ANKMY2: variants seen among roughly 807,000 people sequenced by gnomAD.
ANKMY2 encodes the protein ankyrin repeat and MYND domain-containing protein 2.
A neutral mutation model predicts 50.4 loss-of-function variants in ANKMY2; 36 were observed. The ratio of observed to expected loss-of-function variants is 0.71; its 90% CI spans 0.55 to 0.94. The LOEUF is 0.94. ANKMY2 is among the 40% of genes least tolerant of loss of function. The pLI, the probability that ANKMY2 is intolerant of heterozygous loss-of-function variation, is 0.00. For missense variants in ANKMY2, 565 were observed against 524.0 expected (o/e 1.08, Z -0.76); for synonymous variants, 187 against 178.8 (o/e 1.05, Z -0.36).
chr7:16,606,109 G>A (rs1042285665), intron 7 of ANKMY2, among the ~76,000 whole-genome samples: 6 of 150,596 alleles, frequency 4.0e-5, no homozygotes, highest in Non-Finnish European at 8.9e-5. Context: ...GAGCCACCGC[G>A]CCTGGCCTAT....
In ANKMY2 at chr7:16,602,370, A is replaced by T; in HGVS notation, c.1141+10T>A. 1 of 1,609,642 alleles carries T rather than the reference A, an allele frequency of 6.2e-7. No individual in the cohort carries two copies. Among genetic ancestry groups the T allele is most frequent in the Non-Finnish European group, 8.5e-7 (1 of 1,178,978 alleles). On this transcript the variant is annotated intron_variant, in intron 9 of 9. Coordinates refer to ENST00000306999, the MANE Select transcript of ANKMY2 (RefSeq NM_020319.3). Reference sequence around the variant, plus strand: ...AAAAAGCAGAGTGAACTCGGTTTTTATATACATACGGTTTTCCTCTTGTCT... The same window carrying T: ...AAAAAGCAGAGTGAACTCGGTTTTTTTATACATACGGTTTTCCTCTTGTCT...
rs1044983 is a variant in ANKMY2 at position 16,600,675 on chromosome 7, A to G, written c.*86T>C. 0.24 allele frequency: 291,520 copies of G among 1,232,100 alleles called. 36,817 individuals are homozygous for G. The highest frequency in any genetic ancestry group is 0.47 in the East Asian group (18,597 of 39,212). 76.3% of individuals were successfully genotyped at this position (1,232,100 alleles called of 1,614,324 possible). ...AATCCTGCCATGGTGCCACGCAGGT[A>G]TAACAAGGTGAGGACAATGCATTCC... On this transcript the variant is annotated 3_prime_UTR_variant, in exon 10 of 10. Coordinates refer to ENST00000306999, the MANE Select transcript of ANKMY2 (RefSeq NM_020319.3).
chr7:16,620,591 T>TACACACACACACACACAC (rs58418780), intron 4 of ANKMY2, among the ~76,000 whole-genome samples: 110 of 145,592 alleles, frequency 7.6e-4, no homozygotes, highest in African/African-American at 2.8e-3. Context: ...AATACATGTG[T>TACACACACACACACACAC]ACACACACAC....
intron 2 of ANKMY2, among the ~76,000 whole-genome samples, chr7:16,634,145 C>T (rs575011007): frequency 1.8e-3 from 281 of 152,176 alleles, no homozygotes; most frequent in Admixed American, 3.1e-3. Flanking sequence ...AGCCACTAGC[C>T]ACATATGGCT....
At chr7:16,602,968 T>C (rs368109489) in intron 8 of ANKMY2, among the ~76,000 whole-genome samples, 104 of 152,320 alleles carry the variant, frequency 6.8e-4, no homozygotes, top group African/African-American at 2.3e-3. Context: ...GCTTCCTGTA[T>C]ACCTTCAGAA....
At chr7:16,607,596 A>G (rs930951896) in intron 7 of ANKMY2, among the ~76,000 whole-genome samples, 11 of 151,498 alleles carry the variant, frequency 7.3e-5, no homozygotes, top group South Asian at 2.1e-4. Context: ...TAATAATTAT[A>G]CTCTATAAAC....
chr7:16,613,812 T>C (rs1300913396), intron 5 of ANKMY2, among the ~76,000 whole-genome samples: 4 of 151,350 alleles, frequency 2.6e-5, no homozygotes, highest in African/African-American at 7.3e-5. Context: ...GGTGGGCACC[T>C]GTAATCCCAG....
chr7:16,645,062 G>T (rs184078848), intron 1 of ANKMY2, among the ~76,000 whole-genome samples: 1 of 152,124 alleles, frequency 6.6e-6, no homozygotes, highest in Non-Finnish European at 1.5e-5. Context: ...CCCAAGCGGG[G>T]GCGGGGATCG....
At chr7:16,607,976 C>T (rs1781187946) in intron 7 of ANKMY2, among the ~76,000 whole-genome samples, 1 of 152,086 alleles carries the variant, frequency 6.6e-6, no homozygotes, top group Non-Finnish European at 1.5e-5. Context: ...CAGATATAGA[C>T]CCCTTTGCTC....
intron 7 of ANKMY2, among the ~76,000 whole-genome samples, chr7:16,607,499 C>A (rs1241763164): frequency 1.3e-5 from 2 of 151,980 alleles, no homozygotes; most frequent in Non-Finnish European, 2.9e-5. Context: ...ACCCGGAAGA[C>A]TGAGGTTGTA....
intron 4 of ANKMY2, among the ~76,000 whole-genome samples, chr7:16,618,510 C>T (rs1447724700): frequency 6.6e-6 from 1 of 152,110 alleles, no homozygotes; most frequent in Admixed American, 6.5e-5. Flanking sequence ...TAATAGTGAT[C>T]ACAATACCAT....
At chr7:16,620,856 T>A (rs141478350) in intron 4 of ANKMY2, among the ~76,000 whole-genome samples, 1 of 151,878 alleles carries the variant, frequency 6.6e-6, no homozygotes. Flanking sequence ...AAACAGATCA[T>A]TGACAAAAAA....
At chr7:16,606,622 TTGAG>T (rs1430475152) in intron 7 of ANKMY2, among the ~76,000 whole-genome samples, 31 of 152,324 alleles carry the variant, frequency 2.0e-4, no homozygotes, top group African/African-American at 7.5e-4. Flanking sequence ...TCATTTTCAT[TTGAG>T]TATTTGCTTT....
rs149454471 is a variant in ANKMY2 at position 16,644,494 on chromosome 7, G to GCTA, written c.67+1010_67+1012dup. On this transcript the variant is annotated intron_variant, in intron 1 of 9. Coordinates refer to ENST00000306999, the MANE Select transcript of ANKMY2 (RefSeq NM_020319.3). ...CTCTAGGATTCCACATTTCAGCCTG[G>GCTA]CTACTAAGTAAATAAAACTGGAAAC... 1,916 of 325,598 alleles carry GCTA rather than the reference G, an allele frequency of 5.9e-3. 38 individuals are homozygous for GCTA. Among genetic ancestry groups the GCTA allele is most frequent in the African/African-American group, 0.04 (1,795 of 44,360 alleles). 20.2% of individuals were successfully genotyped at this position (325,598 alleles called of 1,614,324 possible).
chr7:16,632,851 G>A (rs929676784), intron 2 of ANKMY2, among the ~76,000 whole-genome samples: 6 of 152,146 alleles, frequency 3.9e-5, no homozygotes, highest in Non-Finnish European at 8.8e-5. Context: ...GTGGCTACAC[G>A]ATTTAACATT....
intron 2 of ANKMY2, among the ~76,000 whole-genome samples, chr7:16,632,333 C>G (rs1350701070): frequency 6.6e-6 from 1 of 152,054 alleles, no homozygotes; most frequent in Non-Finnish European, 1.5e-5. Flanking sequence ...CAGCCATCAC[C>G]ACAATCAATT....
rs899309442 is a variant in ANKMY2 at position 16,600,600 on chromosome 7, G to A, written c.*161C>T. ...AGAACAGAAATCAATAGGAAATTAG[G>A]GCATGGTCAACAGGGGTTTGCTTGA... On this transcript the variant is annotated 3_prime_UTR_variant, in exon 10 of 10. Coordinates refer to ENST00000306999, the MANE Select transcript of ANKMY2 (RefSeq NM_020319.3). 2.1e-6 allele frequency: 1 copy of A among 478,296 alleles called. No homozygotes were observed. The allele number at this position is 478,296 out of a possible 1,614,324, so 29.6% of individuals were successfully genotyped here.
intron 3 of ANKMY2, 104 bp downstream of exon 3, chr7:16,626,936 G>T: frequency 1.0e-6 from 1 of 993,604 alleles, no homozygotes; most frequent in South Asian, 3.5e-5. Flanking sequence ...CATAAAACTT[G>T]ACCATAAAAT....
intron 1 of ANKMY2, among the ~76,000 whole-genome samples, chr7:16,638,162 C>T (rs963696289): frequency 2.0e-5 from 3 of 152,238 alleles, no homozygotes; most frequent in Admixed American, 1.3e-4. Context: ...AAGCAATTCT[C>T]CATTGGACAC....
Sources: gnomAD v4.1 joint callset for allele counts (sites outside exome capture counted in the v4.1 genomes callset) on GRCh38, gnomAD v4.1.1 for gene constraint, MANE v1.5 for transcripts, NCBI Gene and HGNC (gene_info 2026-07-23, HGNC 2026-07-21) for gene names.